G2E3: variants seen among roughly 807,000 people sequenced by gnomAD.
G2E3 encodes G2/M-phase specific E3 ubiquitin protein ligase, also known as G2/M phase-specific E3 ubiquitin-protein ligase.
Under a neutral mutation model 92.8 loss-of-function variants are expected in G2E3, and 35 were observed. The ratio of observed to expected loss-of-function variants is 0.38; its 90% CI spans 0.29 to 0.50. G2E3 has a LOEUF of 0.50. G2E3 is among the 20% of genes least tolerant of loss of function. The pLI is 0.94. For synonymous variants in G2E3, 242 were observed against 272.4 expected, an observed-to-expected ratio of 0.89 and a Z score of 1.10; for missense variants, 554 against 823.8, an observed-to-expected ratio of 0.67 and a Z score of 4.01.
rs528668303 is a variant in G2E3, at chr14:30,590,872, TTATCCAAAATGCTTGG to T, written c.237+1389_237+1404del. 43 of 322,552 alleles carry T rather than the reference TTATCCAAAATGCTTGG, an allele frequency of 1.3e-4. No homozygotes were observed. The East Asian group carries it at 3.6e-3, about 27-fold the overall frequency. 20.0% of individuals were successfully genotyped at this position (322,552 alleles called of 1,614,324 possible). ...TTTGGAACTACAGATTGAATATCCC[TTATCCAAAATGCTTGG>T]AACCAGAATTTTAGATTTGAAATTT... is the stretch of plus-strand genomic sequence containing the variant. On this transcript the variant is annotated intron_variant, in intron 4 of 14. Transcript: ENST00000206595.
intron 2 of G2E3, among the ~76,000 whole-genome samples, chr14:30,583,233 TATAA>T (rs1179568071): frequency 1.3e-5 from 2 of 152,226 alleles, no homozygotes; most frequent in Non-Finnish European, 2.9e-5. Context: ...AAATTTTCTG[TATAA>T]ATAAACATGT....
At position 30,598,191 on chromosome 14, in the gene G2E3, C is replaced by A. The variant is rs1363865336; in HGVS notation, c.636-292C>A. 1.4e-5 allele frequency: 4 copies of A among 277,724 alleles called. No homozygotes were observed. In the East Asian group the frequency reaches 3.4e-4, roughly 24 times the overall value. 17.2% of individuals were successfully genotyped at this position (277,724 alleles called of 1,614,324 possible). ...CCCAAGGTCAGGAGTTCAAGACCAG[C>A]CTTGCCAACATGGCGAAACCCTGTC... is the stretch of plus-strand genomic sequence containing the variant. On this transcript the variant is annotated intron_variant, in intron 7 of 14. Transcript: ENST00000206595.
intron 10 of G2E3, among the ~76,000 whole-genome samples, chr14:30,603,480 C>T (rs1881678487): frequency 6.6e-6 from 1 of 152,024 alleles, no homozygotes; most frequent in African/African-American, 2.4e-5. Flanking sequence ...GTTTTTAGAG[C>T]CTTGCTTTAC....
intron 1 of G2E3, among the ~76,000 whole-genome samples, chr14:30,572,951 T>G (rs1879853302): frequency 6.6e-6 from 1 of 152,152 alleles, no homozygotes; most frequent in African/African-American, 2.4e-5. Flanking sequence ...ACCATGCTAC[T>G]TTTTGTAATA....
At chr14:30,609,031 C>T (rs1881965952) in intron 12 of G2E3, among the ~76,000 whole-genome samples, 1 of 152,194 alleles carries the variant, frequency 6.6e-6, no homozygotes, top group Non-Finnish European at 1.5e-5. Flanking sequence ...AATGCCAACT[C>T]TTATAACTAC....
intron 4 of G2E3, 69 bp downstream of exon 4, chr14:30,589,553 A>G (rs2138844000): frequency 1.3e-6 from 1 of 798,100 alleles, no homozygotes. Context: ...CTTTTCTATC[A>G]GTTTCTGTAC....
chr14:30,595,651 C>T (rs780270659), intron 6 of G2E3, among the ~76,000 whole-genome samples: 2 of 152,172 alleles, frequency 1.3e-5, no homozygotes, highest in Non-Finnish European at 2.9e-5. Context: ...TCGATTAGAG[C>T]ATACTAAGGA....
chr14:30,597,772 A>G (rs1040633937), intron 7 of G2E3, among the ~76,000 whole-genome samples: 7 of 152,208 alleles, frequency 4.6e-5, no homozygotes, highest in Admixed American at 1.3e-4. Flanking sequence ...ATTTTAATTG[A>G]TTGACTTTGT....
chr14:30,590,176 G>A (rs912912000), intron 4 of G2E3, among the ~76,000 whole-genome samples: 2 of 152,114 alleles, frequency 1.3e-5, no homozygotes, highest in South Asian at 4.1e-4. Context: ...TAGAGAATGT[G>A]ATACTGGCAT....
intron 1 of G2E3, among the ~76,000 whole-genome samples, chr14:30,567,598 T>A (rs1241578301): frequency 1.3e-5 from 2 of 152,018 alleles, no homozygotes; most frequent in Non-Finnish European, 2.9e-5. Context: ...TCTCAAGCAA[T>A]TTTTATTTTA....
intron 1 of G2E3, among the ~76,000 whole-genome samples, chr14:30,565,959 C>T (rs1442616307): frequency 2.0e-5 from 3 of 152,120 alleles, no homozygotes; most frequent in African/African-American, 7.2e-5. Flanking sequence ...CACACCTGGC[C>T]AACTTCATTC....
At chr14:30,581,037 T>C (rs1880403450) in intron 1 of G2E3, 39 bp from the exon 2 acceptor site, 2 of 1,104,682 alleles carry the variant, frequency 1.8e-6, no homozygotes, top group Non-Finnish European at 2.8e-6. Flanking sequence ...TTTGAGACTT[T>C]TACAATTAAG....
chr14:30,602,442 A>C (rs1881616977), intron 10 of G2E3, among the ~76,000 whole-genome samples: 1 of 152,086 alleles, frequency 6.6e-6, no homozygotes, highest in South Asian at 2.1e-4. Context: ...AATGATGTAA[A>C]ATATATTTTT....
intron 1 of G2E3, among the ~76,000 whole-genome samples, chr14:30,573,926 G>A (rs897992202): frequency 6.6e-6 from 1 of 151,974 alleles, no homozygotes; most frequent in Admixed American, 6.6e-5. Flanking sequence ...CCATCACACT[G>A]TATTAATCTT....
At chr14:30,578,815 A>G (rs1880265547) in intron 1 of G2E3, among the ~76,000 whole-genome samples, 1 of 152,176 alleles carries the variant, frequency 6.6e-6, no homozygotes, top group African/African-American at 2.4e-5. Context: ...TCTTCCTATT[A>G]TATTTTATCA....
At chr14:30,578,723 T>C (rs1880259713) in intron 1 of G2E3, among the ~76,000 whole-genome samples, 2 of 152,222 alleles carry the variant, frequency 1.3e-5, no homozygotes, top group Non-Finnish European at 2.9e-5. Context: ...AATAAATTCA[T>C]GTGTATGGAT....
At chr14:30,587,708 T>G (rs1880788333) in intron 3 of G2E3, among the ~76,000 whole-genome samples, 1 of 151,996 alleles carries the variant, frequency 6.6e-6, no homozygotes, top group South Asian at 2.1e-4. Flanking sequence ...AAACCTCAGC[T>G]CCTTACCTCC....
Position 30,602,096 on chromosome 14 carries a change from A to C in G2E3, c.975A>C (p.Arg325Ser). ...LLEESSPKLPRQSPGSQSKDL... is the reference protein window; with the variant it reads ...LLEESSPKLPSQSPGSQSKDL... ...AAGAGTCATCACCTAAATTACCCAG[A>C]CAGTCACCTGGATCCCAGAGTAAAG... Residue 325 changes from arginine to serine, a missense_variant, in exon 10 of 15, where the codon AGA becomes AGC. By Grantham distance (110) the Arg-to-Ser change is moderately radical (BLOSUM62 -1). This residue lies in a region of G2E3 where 397 missense variants were observed against 560.3 expected (regional missense o/e 0.71). Transcript: ENST00000206595. The C allele has an allele frequency of 6.2e-7, 1 of 1,610,922 alleles. No individual in the cohort carries two copies. The highest frequency in any genetic ancestry group is 8.5e-7 in the Non-Finnish European group (1 of 1,177,368).
chr14:30,610,930 TGCAACAGATACCATATAGTTTGAAAA>T (rs1424117218), intron 12 of G2E3, among the ~76,000 whole-genome samples: 3 of 152,242 alleles, frequency 2.0e-5, no homozygotes, highest in Non-Finnish European at 4.4e-5. Context: ...GTTGAGTAGC[TGCAACAGATACCATATAGTTTGAAAA>T]GCATAAAATG....
Sources: gnomAD v4.1 joint callset for allele counts (sites outside exome capture counted in the v4.1 genomes callset) on GRCh38, gnomAD v4.1.1 for gene constraint, gnomAD v4.1.1 regional missense constraint, MANE v1.5 for transcripts, NCBI Gene and HGNC (gene_info 2026-07-23, HGNC 2026-07-21) for gene names.